Variants in CAMTA1 observed in about 807,000 individuals in gnomAD.
The protein encoded by CAMTA1 is calmodulin binding transcription activator 1, also known as calmodulin-binding transcription activator 1.
A neutral mutation model predicts 170.9 loss-of-function variants in CAMTA1; 27 were observed. The ratio of observed to expected loss-of-function variants is 0.16; its 90% CI spans 0.12 to 0.22. The LOEUF (loss-of-function observed/expected upper bound fraction) is 0.22. Among genes scored for constraint, CAMTA1 ranks in the 10% least tolerant of loss-of-function variants. The probability of loss-of-function intolerance (pLI) is 1.00; values close to 1 mark genes in which losing one functional copy is unlikely to be tolerated. For synonymous variants in CAMTA1, 833 were observed against 891.5 expected, an observed-to-expected ratio of 0.93 and a Z score of 1.17; for missense variants, 1,619 against 2,217.2, an observed-to-expected ratio of 0.73 and a Z score of 5.42.
At position 7,745,978 on chromosome 1, in the gene CAMTA1, T is replaced by C. The variant is rs1382546546; in HGVS notation, c.4504T>C (p.Ser1502Pro). 1.9e-6 allele frequency: 3 copies of C among 1,614,108 alleles called. No individual in the cohort carries two copies. The highest frequency in any genetic ancestry group is 2.2e-5 in the South Asian group (2 of 91,094). The change falls in exon 18 of 23, where the codon TCT (serine) becomes CCT (proline). Residue 1502 changes from serine (S) to proline (P), a missense_variant. Transcript: ENST00000303635. ...AADWSEFLSA[S>P]TSEKVENEFA... ...GGATTGGTCAGAATTCCTGAGTGCA[T>C]CTACCAGTGAGAAGGTAGAGAATGA...
At chr1:7,015,251 T>C (rs1197582254) in intron 3 of CAMTA1, among the ~76,000 whole-genome samples, 1 of 152,180 alleles carries the variant, frequency 6.6e-6, no homozygotes, top group Non-Finnish European at 1.5e-5. Context: ...GAGGCGCTAA[T>C]GACCGGATTT....
chr1:7,061,747 G>A (rs1488792340), intron 3 of CAMTA1, among the ~76,000 whole-genome samples: 26 of 150,956 alleles, frequency 1.7e-4, no homozygotes. Context: ...GGCAGTGCCA[G>A]GGTGGAGAGA....
At chr1:6,988,300 T>A (rs994952983) in intron 3 of CAMTA1, among the ~76,000 whole-genome samples, 1 of 152,040 alleles carries the variant, frequency 6.6e-6, no homozygotes. Context: ...CCATCCTGCA[T>A]CCCGGCACCC....
intron 6 of CAMTA1, among the ~76,000 whole-genome samples, chr1:7,529,805 G>A (rs1007972316): frequency 3.9e-5 from 6 of 152,328 alleles, no homozygotes; most frequent in Admixed American, 3.9e-4. Context: ...ATGGTGTAAT[G>A]TAAAGCCCAT....
rs1427775120 is a variant in CAMTA1, at chr1:7,144,103, A to C, written c.302+52732A>C. Among the ~76,000 whole-genome samples the C allele has an allele frequency of 6.6e-6, 1 of 152,186 alleles. No individual in the cohort carries two copies. Among genetic ancestry groups the C allele is most frequent in the Non-Finnish European group, 1.5e-5 (1 of 68,038 alleles). ...ACAGACTGGGTGGCTTAAACAACAG[A>C]CATTTATTTTCTTATGTTCTGGAGG... is the stretch of plus-strand genomic sequence containing the variant. On this transcript the variant is annotated intron_variant, in intron 4 of 22. Coordinates refer to ENST00000303635, the MANE Select transcript of CAMTA1 (RefSeq NM_015215.4). This position sits in a 1 kb window ranked among gnomAD's most constrained non-coding sequence, Gnocchi z 4.0.
chr1:7,374,456 C>T (rs566540309), intron 5 of CAMTA1, among the ~76,000 whole-genome samples: 7 of 152,302 alleles, frequency 4.6e-5, no homozygotes, highest in South Asian at 2.1e-4. Context: ...TAGCAGAGGA[C>T]GCAGGCATGG....
chr1:7,206,329 T>C (rs1191487483), intron 4 of CAMTA1, among the ~76,000 whole-genome samples: 2 of 152,230 alleles, frequency 1.3e-5, no homozygotes, highest in Non-Finnish European at 2.9e-5. Flanking sequence ...TGCTGAGGAA[T>C]ACTTTTGTGT....
intron 6 of CAMTA1, among the ~76,000 whole-genome samples, chr1:7,594,531 C>A (rs367931283): frequency 5.0e-4 from 76 of 152,162 alleles, no homozygotes; most frequent in African/African-American, 1.6e-3. Flanking sequence ...TTAAAAGCTC[C>A]CTCTGGCTGC....
intron 6 of CAMTA1, among the ~76,000 whole-genome samples, chr1:7,637,734 A>G (rs1487398682): frequency 1.3e-5 from 2 of 152,204 alleles, no homozygotes; most frequent in African/African-American, 4.8e-5. Flanking sequence ...AGCTTTGGGC[A>G]ATCACAACTT....
chr1:7,730,274 TGCACACCTCCAGCTCTATC>T lies in CAMTA1; in HGVS notation c.2915-2172_2915-2154del, dbSNP rs565908670. ...CACAGCCATTCACTGGTCTGACTCC[TGCACACCTCCAGCTCTATC>T]GTCTCCTGCGTCTCCTGCTCTCCCT... On this transcript the variant is annotated intron_variant, in intron 11 of 22. Coordinates refer to ENST00000303635, the MANE Select transcript of CAMTA1 (RefSeq NM_015215.4). Among the ~76,000 whole-genome samples the T allele has an allele frequency of 2.6e-3, 390 of 152,310 alleles. 1 individual carries two copies. The highest frequency in any genetic ancestry group is 4.0e-3 in the Non-Finnish European group (275 of 68,016).
chr1:7,390,374 C>G (rs2088557881), intron 5 of CAMTA1, among the ~76,000 whole-genome samples: 1 of 152,220 alleles, frequency 6.6e-6, no homozygotes, highest in Admixed American at 6.5e-5. Context: ...CTCAGACCAG[C>G]CTCCCCTCAG....
At chr1:6,977,543 T>C (rs537821516) in intron 3 of CAMTA1, among the ~76,000 whole-genome samples, 2 of 152,292 alleles carry the variant, frequency 1.3e-5, no homozygotes, top group Admixed American at 6.5e-5. Context: ...GGTTTCACCA[T>C]GTCAGCCAGG....
chr1:7,089,116 G>A (rs1572952873), intron 3 of CAMTA1, among the ~76,000 whole-genome samples: 1 of 152,188 alleles, frequency 6.6e-6, no homozygotes, highest in Admixed American at 6.5e-5. Context: ...CTCACACCAC[G>A]TAGATCTTAT....
intron 3 of CAMTA1, among the ~76,000 whole-genome samples, chr1:6,986,206 A>G (rs1257911277): frequency 6.6e-6 from 1 of 152,180 alleles, no homozygotes. Context: ...TCTCACCAGG[A>G]GAAGCAGAAT....
chr1:7,247,257 A>G (rs1347672263), intron 4 of CAMTA1, among the ~76,000 whole-genome samples: 1 of 152,248 alleles, frequency 6.6e-6, no homozygotes, highest in Non-Finnish European at 1.5e-5. Flanking sequence ...TACTCTCAGA[A>G]TGCCAAAGGG....
At chr1:7,039,602 T>C (rs1247576543) in intron 3 of CAMTA1, among the ~76,000 whole-genome samples, 1 of 152,190 alleles carries the variant, frequency 6.6e-6, no homozygotes, top group South Asian at 2.1e-4. Flanking sequence ...CAAGGGGCGT[T>C]CTATTCTGTG....
chr1:7,759,148 CAGAAAAGAAA>C (rs556415885), intron 22 of CAMTA1, among the ~76,000 whole-genome samples: 19 of 151,268 alleles, frequency 1.3e-4, no homozygotes, highest in East Asian at 3.9e-4. Context: ...GACCCTGTCC[CAGAAAAGAAA>C]AGAAAAGAAA....
intron 11 of CAMTA1, among the ~76,000 whole-genome samples, chr1:7,714,231 A>G (rs1033050065): frequency 6.6e-6 from 1 of 152,216 alleles, no homozygotes; most frequent in Non-Finnish European, 1.5e-5. Context: ...TGATTTAGTA[A>G]TATGCAACTT....
intron 5 of CAMTA1, among the ~76,000 whole-genome samples, chr1:7,373,315 A>C (rs1179509059): frequency 6.6e-6 from 1 of 152,210 alleles, no homozygotes; most frequent in Non-Finnish European, 1.5e-5. Context: ...GCTCCAGCAT[A>C]AGCAAGGGTT....
Sources: allele counts gnomAD v4.1 joint callset (sites outside exome capture counted in the v4.1 genomes callset), GRCh38; gene constraint gnomAD v4.1.1; non-coding constraint Gnocchi (gnomAD v3.1); transcripts MANE v1.5; gene names NCBI Gene and HGNC (gene_info 2026-07-23, HGNC 2026-07-21).